MAD1L1: variants seen among roughly 807,000 people sequenced by gnomAD.
MAD1L1 encodes mitotic arrest deficient 1 like 1.
In MAD1L1, 95 loss-of-function variants were observed where a neutral mutation model predicts 96.9. That is an observed-to-expected ratio of 0.98 (90% CI 0.83 to 1.16). The LOEUF is 1.16. Ranked by LOEUF, MAD1L1 falls within the 50% of genes most tolerant of loss-of-function variation. MAD1L1 has a pLI of 0.00. For synonymous variants in MAD1L1, 473 were observed against 396.6 expected (o/e 1.19, Z -2.29); for missense variants, 1,007 against 954.4 (o/e 1.06, Z -0.73).
intron 14 of MAD1L1, among the ~76,000 whole-genome samples, chr7:1,984,049 T>C (rs1459985926): frequency 6.6e-6 from 1 of 152,256 alleles, no homozygotes; most frequent in Admixed American, 6.5e-5. Context: ...TCTTGTTCAA[T>C]GATATAAATA....
chr7:2,132,413 T>C (rs1008291337), intron 11 of MAD1L1, among the ~76,000 whole-genome samples: 3 of 74,340 alleles, frequency 4.0e-5, no homozygotes, highest in African/African-American at 1.1e-4. Flanking sequence ...GTGCAGTCGG[T>C]TCACTGCTGC....
At chr7:1,957,533 G>T in intron 16 of MAD1L1, 96 bp downstream of exon 16, 2 of 1,185,468 alleles carry the variant, frequency 1.7e-6, no homozygotes, top group South Asian at 1.4e-5. Flanking sequence ...GCCAGAAAAC[G>T]GGTGTTCTGT....
intron 10 of MAD1L1, among the ~76,000 whole-genome samples, chr7:2,205,323 G>A (rs1792543407): frequency 2.0e-5 from 3 of 152,058 alleles, no homozygotes; most frequent in African/African-American, 7.2e-5. Flanking sequence ...CCGGAGTCAC[G>A]TAACCAGACG....
chr7:2,072,289 A>G (rs9632587), intron 11 of MAD1L1, among the ~76,000 whole-genome samples: 10,211 of 152,270 alleles, frequency 0.067, 605 homozygotes, highest in African/African-American at 0.15. Flanking sequence ...ACATCTGGTC[A>G]GAGTCTTCTG....
At chr7:1,895,834 G>T (rs1786831608) in intron 18 of MAD1L1, among the ~76,000 whole-genome samples, 1 of 152,278 alleles carries the variant, frequency 6.6e-6, no homozygotes, top group African/African-American at 2.4e-5. Context: ...CTTGGGCCAG[G>T]ACAGGCCGTG....
chr7:1,881,124 A>AG (rs1785656060), intron 18 of MAD1L1, among the ~76,000 whole-genome samples: 1 of 152,202 alleles, frequency 6.6e-6, no homozygotes, highest in African/African-American at 2.4e-5. Flanking sequence ...GCCATGACAA[A>AG]GTCCTCCCAG....
At chr7:2,213,412 C>T (rs1793088665) in intron 9 of MAD1L1, 139 bp from the exon 10 acceptor site, 4 of 760,266 alleles carry the variant, frequency 5.3e-6, no homozygotes, top group Non-Finnish European at 9.1e-6. Flanking sequence ...GCGCTACATG[C>T]TCCAAGTCTG....
intron 14 of MAD1L1, among the ~76,000 whole-genome samples, chr7:1,995,721 A>G (rs1781525180): frequency 6.6e-6 from 1 of 152,138 alleles, no homozygotes; most frequent in Non-Finnish European, 1.5e-5. Flanking sequence ...GGGGACATAC[A>G]TGCTGGTGCA....
chr7:1,974,850 TGGGGACCA>T (rs1023420171), intron 15 of MAD1L1, among the ~76,000 whole-genome samples: 1 of 152,188 alleles, frequency 6.6e-6, no homozygotes, highest in Non-Finnish European at 1.5e-5. Context: ...CTGAGGATGC[TGGGGACCA>T]GGGGACCAGG....
intron 10 of MAD1L1, among the ~76,000 whole-genome samples, chr7:2,167,318 C>T (rs1443486255): frequency 5.3e-5 from 8 of 152,080 alleles, no homozygotes; most frequent in East Asian, 1.9e-4. Flanking sequence ...GAGGCTGAGG[C>T]GGGCGGATCA....
intron 18 of MAD1L1, among the ~76,000 whole-genome samples, chr7:1,837,417 G>A (rs1259934435): frequency 2.0e-5 from 3 of 152,174 alleles, no homozygotes; most frequent in Admixed American, 6.5e-5. Context: ...AAAGTTAGGC[G>A]TACACTGACC....
chr7:2,153,737 C>T (rs183707401), intron 10 of MAD1L1, among the ~76,000 whole-genome samples: 1 of 152,242 alleles, frequency 6.6e-6, no homozygotes, highest in African/African-American at 2.4e-5. Flanking sequence ...CAAAAAGATA[C>T]CTGCATTCCC....
At chr7:1,839,216 T>A (rs1467170683) in intron 18 of MAD1L1, among the ~76,000 whole-genome samples, 1 of 151,180 alleles carries the variant, frequency 6.6e-6, no homozygotes, top group Non-Finnish European at 1.5e-5. Context: ...CAGGGCTTGG[T>A]GGGAGGGCGG....
chr7:2,093,621 T>G (rs987388278), intron 11 of MAD1L1, among the ~76,000 whole-genome samples: 52 of 152,330 alleles, frequency 3.4e-4, no homozygotes, highest in African/African-American at 1.2e-3. Context: ...GCTCTCCTCC[T>G]CCTTCCTTCC....
At chr7:2,210,058 G>A (rs1047821496) in intron 10 of MAD1L1, 4 of 152,218 alleles carry the variant, frequency 2.6e-5, no homozygotes, top group African/African-American at 9.6e-5. Context: ...AGAAAGCCCA[G>A]TGCATCTCAG....
In MAD1L1 at chr7:1,927,881, G is replaced by C. The variant is rs190217206; in HGVS notation, c.1807+8806C>G. 3.6e-3 allele frequency among the ~76,000 whole-genome samples: 545 copies of C among 152,240 alleles called. 5 individuals are homozygous for C. The highest frequency in any genetic ancestry group is 4.9e-3 in the Non-Finnish European group (330 of 68,014). On this transcript the variant is annotated intron_variant, in intron 17 of 18. Coordinates refer to ENST00000265854, the MANE Select transcript of MAD1L1 (RefSeq NM_001013836.2). ...ACAGGGTCAGAAAATGAAGAGGCTC[G>C]TCACGGGCTGGGAGAAGATATTTAT...
chr7:1,825,037 G>C (rs1005585567), intron 18 of MAD1L1, among the ~76,000 whole-genome samples: 1 of 152,326 alleles, frequency 6.6e-6, no homozygotes, highest in Non-Finnish European at 1.5e-5. Flanking sequence ...TTAACTCGGA[G>C]TGCTGGGACG....
chr7:2,172,977 G>C (rs2128596077), intron 10 of MAD1L1, among the ~76,000 whole-genome samples: 1 of 152,326 alleles, frequency 6.6e-6, no homozygotes, highest in South Asian at 2.1e-4. Context: ...GCACCTGCTA[G>C]CATGCCCCTG....
rs187158831 is a variant in MAD1L1 at position 2,215,303 on chromosome 7, G to A, written c.924+582C>T. 3.8e-3 allele frequency among the ~76,000 whole-genome samples: 574 copies of A among 151,260 alleles called. 3 individuals carry two copies. Among genetic ancestry groups the A allele is most frequent in the Non-Finnish European group, 6.4e-3 (432 of 67,868 alleles). On this transcript the variant is annotated intron_variant, in intron 9 of 18. Coordinates refer to ENST00000265854, the MANE Select transcript of MAD1L1 (RefSeq NM_001013836.2). Reference sequence around the variant, plus strand: ...TGAGGCAGGAGACTCGCTTGTACCCGGGAGGCGGAGGTTGCAGTGAGCCGA... The same window carrying A: ...TGAGGCAGGAGACTCGCTTGTACCCAGGAGGCGGAGGTTGCAGTGAGCCGA...
Sources: gnomAD v4.1 joint callset for allele counts (sites outside exome capture counted in the v4.1 genomes callset) on GRCh38, gnomAD v4.1.1 for gene constraint, MANE v1.5 for transcripts, NCBI Gene and HGNC (gene_info 2026-07-23, HGNC 2026-07-21) for gene names.